The following ZBED4 variants were observed in gnomAD, a reference collection of about 807,000 sequenced individuals.
The protein encoded by ZBED4 is zinc finger BED domain-containing protein 4.
Under a neutral mutation model 15.5 loss-of-function variants are expected in ZBED4, and 4 were observed. The observed-to-expected ratio is 0.26, with a 90% CI of 0.13 to 0.59. The LOEUF (loss-of-function observed/expected upper bound fraction) is 0.59. Among genes scored for constraint, ZBED4 ranks in the 20% least tolerant of loss-of-function variants. The pLI is 0.90. For synonymous variants in ZBED4, 692 were observed against 608.5 expected, an observed-to-expected ratio of 1.14 and a Z score of -2.02; for missense variants, 1,323 against 1,461.8, an observed-to-expected ratio of 0.91 and a Z score of 1.55.
intron 1 of ZBED4, among the ~76,000 whole-genome samples, chr22:49,872,219 A>G (rs1218671543): frequency 6.6e-6 from 1 of 152,140 alleles, no homozygotes; most frequent in Non-Finnish European, 1.5e-5. Context: ...CAAAATCTTT[A>G]TTGTCATTTT....
intron 1 of ZBED4, among the ~76,000 whole-genome samples, chr22:49,858,830 G>A (rs1270566780): frequency 6.6e-6 from 1 of 152,142 alleles, no homozygotes; most frequent in Non-Finnish European, 1.5e-5. Flanking sequence ...ACAGGGCCAC[G>A]TGTCACAGTG....
chr22:49,874,220 A>T (rs1244424638), intron 1 of ZBED4, among the ~76,000 whole-genome samples: 1 of 152,160 alleles, frequency 6.6e-6, no homozygotes, highest in East Asian at 1.9e-4. Context: ...GTATGATGGG[A>T]GCTGCACTGT....
At chr22:49,868,405 C>G (rs1018797867) in intron 1 of ZBED4, among the ~76,000 whole-genome samples, 39 of 152,114 alleles carry the variant, frequency 2.6e-4, no homozygotes, top group African/African-American at 8.9e-4. Context: ...CATGGTGAAA[C>G]CCCATCTCCA....
At chr22:49,870,478 C>T (rs892612367) in intron 1 of ZBED4, among the ~76,000 whole-genome samples, 3 of 152,136 alleles carry the variant, frequency 2.0e-5, no homozygotes, top group African/African-American at 7.2e-5. Context: ...TGTAGCCTCT[C>T]CAGCATCTGT....
intron 1 of ZBED4, among the ~76,000 whole-genome samples, chr22:49,881,907 C>T (rs1042692023): frequency 6.6e-6 from 1 of 152,132 alleles, no homozygotes; most frequent in Non-Finnish European, 1.5e-5. Context: ...TCAGAAAGAA[C>T]CTGCATTTAT....
At chr22:49,878,177 C>T (rs1276967207) in intron 1 of ZBED4, among the ~76,000 whole-genome samples, 1 of 151,888 alleles carries the variant, frequency 6.6e-6, no homozygotes, top group Non-Finnish European at 1.5e-5. Context: ...TGGTGACAGG[C>T]ACCTGTAATT....
intron 1 of ZBED4, among the ~76,000 whole-genome samples, chr22:49,882,100 G>T (rs777674113): frequency 6.6e-6 from 1 of 152,144 alleles, no homozygotes; most frequent in Non-Finnish European, 1.5e-5. Flanking sequence ...TTCAGTTCTT[G>T]GTTCCTGCAT....
rs566333083 is a variant in ZBED4, at chr22:49,885,496, C to T, written c.1834C>T (p.Leu612=). 1.9e-6 allele frequency: 3 copies of T among 1,611,648 alleles called. No individual in the cohort carries two copies. Among genetic ancestry groups the T allele is most frequent in the Non-Finnish European group, 2.5e-6 (3 of 1,177,826 alleles). Residue 612 remains leucine, a synonymous_variant, in exon 2 of 2, where the codon CTG becomes TTG. Transcript: ENST00000216268. The part of the protein sequence containing the change: ...RHLQRFHSNV[L]KTEVSETARP... ...TTTACAGCGGTTCCATAGCAACGTG[C>T]TGAAAACTGAGGTCTCGGAGACGGC...
At chr22:49,879,647 C>T (rs1346630876) in intron 1 of ZBED4, among the ~76,000 whole-genome samples, 1 of 110,238 alleles carries the variant, frequency 9.1e-6, no homozygotes, top group Admixed American at 1.0e-4. Context: ...GGGCGTGTTT[C>T]TATTGGTTGG....
intron 1 of ZBED4, among the ~76,000 whole-genome samples, chr22:49,854,952 C>T (rs984885937): frequency 7.2e-5 from 11 of 152,174 alleles, no homozygotes; most frequent in Non-Finnish European, 1.6e-4. Flanking sequence ...CTGTGTATGT[C>T]ATTCATAGTG....
Position 49,885,999 on chromosome 22 carries a change from C to T in ZBED4, c.2337C>T (p.Tyr779=), listed in dbSNP as rs144607205. The change falls in exon 2 of 2, where the codon TAC becomes TAT. Residue 779 remains tyrosine (Y), a synonymous_variant. Coordinates refer to ENST00000216268, the MANE Select transcript of ZBED4 (RefSeq NM_014838.3). ...LLDVSQVDCD[Y]SGNSIQKQLE... ...ACGTGTCGCAGGTGGACTGCGACTACAGTGGCAACAGCATTCAGAAGCAGC... is the reference window on the plus strand; with the variant it reads ...ACGTGTCGCAGGTGGACTGCGACTATAGTGGCAACAGCATTCAGAAGCAGC... 22 of 691,392 alleles carry T rather than the reference C, an allele frequency of 3.2e-5. No individual in the cohort carries two copies. The highest frequency in any genetic ancestry group is 7.1e-5 in the African/African-American group (4 of 56,134). 42.8% of individuals were successfully genotyped at this position (691,392 alleles called of 1,614,324 possible).
chr22:49,879,003 G>T (rs559972426), intron 1 of ZBED4, among the ~76,000 whole-genome samples: 2 of 151,440 alleles, frequency 1.3e-5, no homozygotes, highest in South Asian at 4.2e-4. Context: ...AAATTAGCCG[G>T]GTGTGGTGGC....
In ZBED4 at chr22:49,884,256, C is replaced by T. The variant is rs2060424706; in HGVS notation, c.594C>T (p.Asp198=). 1 of 1,608,900 alleles carries T rather than the reference C, an allele frequency of 6.2e-7. No individual in the cohort carries two copies. Reference sequence around the variant, plus strand: ...CACCACAGCCTGCGGACGCGGGTGACCTCAGCACCATCCTCTCACCCATCA... The same window carrying T: ...CACCACAGCCTGCGGACGCGGGTGATCTCAGCACCATCCTCTCACCCATCA... ...LLPPQPADAG[D]LSTILSPIKL... Residue 198 remains aspartate (D), a synonymous_variant, in exon 2 of 2, where the codon GAC becomes GAT. Transcript: ENST00000216268.
chr22:49,862,307 C>CT (rs2060300814), intron 1 of ZBED4, among the ~76,000 whole-genome samples: 1 of 152,216 alleles, frequency 6.6e-6, no homozygotes, highest in Non-Finnish European at 1.5e-5. Flanking sequence ...GGAGGCCTTA[C>CT]TTTTTTGCTG....
At chr22:49,878,456 T>TA (rs1382235122) in intron 1 of ZBED4, among the ~76,000 whole-genome samples, 2 of 152,110 alleles carry the variant, frequency 1.3e-5, no homozygotes, top group Non-Finnish European at 2.9e-5. Flanking sequence ...GATCCACACA[T>TA]ATGCGAGCAA....
chr22:49,870,186 ATG>A (rs755929471), intron 1 of ZBED4, among the ~76,000 whole-genome samples: 42 of 152,310 alleles, frequency 2.8e-4, no homozygotes, highest in Non-Finnish European at 4.7e-4. Context: ...ATAATATTCC[ATG>A]GTGTGGATAT....
intron 1 of ZBED4, among the ~76,000 whole-genome samples, chr22:49,881,914 T>G (rs561889401): frequency 3.3e-5 from 5 of 152,342 alleles, no homozygotes; most frequent in African/African-American, 1.2e-4. Context: ...GAACCTGCAT[T>G]TATTTCTGGT....
At chr22:49,854,404 C>T (rs932329897) in intron 1 of ZBED4, among the ~76,000 whole-genome samples, 1 of 152,092 alleles carries the variant, frequency 6.6e-6, no homozygotes, top group African/African-American at 2.4e-5. Flanking sequence ...GTGTCATTCC[C>T]GTCCCACCTC....
At chr22:49,861,793 G>A (rs1164880774) in intron 1 of ZBED4, among the ~76,000 whole-genome samples, 4 of 152,166 alleles carry the variant, frequency 2.6e-5, no homozygotes, top group Admixed American at 2.0e-4. Context: ...TCCTATTGAC[G>A]GGCTCTGATC....
Sources: allele counts gnomAD v4.1 joint callset (sites outside exome capture counted in the v4.1 genomes callset), GRCh38; gene constraint gnomAD v4.1.1; transcripts MANE v1.5; gene names NCBI Gene and HGNC (gene_info 2026-07-23, HGNC 2026-07-21).